Variants in ACSM3 observed in about 807,000 individuals in gnomAD.
The protein encoded by ACSM3 is acyl-CoA synthetase medium chain family member 3.
Under a neutral mutation model 74.1 loss-of-function variants are expected in ACSM3, and 61 were observed. The ratio of observed to expected loss-of-function variants is 0.82; its 90% CI spans 0.67 to 1.02. The LOEUF is 1.02. Ranked by LOEUF, ACSM3 falls within the 50% of genes least tolerant of loss-of-function variation. The pLI, the probability that ACSM3 is intolerant of heterozygous loss-of-function variation, is 0.00. For synonymous variants in ACSM3, 213 were observed against 241.5 expected (o/e 0.88, Z 1.09); for missense variants, 660 against 697.0 (o/e 0.95, Z 0.60).
At chr16:20,731,999 G>A (rs991390800) in intron 1 of ACSM3, among the ~76,000 whole-genome samples, 2 of 152,132 alleles carry the variant, frequency 1.3e-5, no homozygotes, top group Non-Finnish European at 2.9e-5. Context: ...TATAAGAAAA[G>A]CACAGTGGCC....
chr16:20,744,410 G>T (rs1371673166), intron 1 of ACSM3, among the ~76,000 whole-genome samples: 1 of 152,114 alleles, frequency 6.6e-6, no homozygotes, highest in Non-Finnish European at 1.5e-5. Context: ...TTTTTGAGAC[G>T]GAGTCTTGCT....
At chr16:20,724,471 A>G (rs1686748851) in intron 1 of ACSM3, among the ~76,000 whole-genome samples, 1 of 152,246 alleles carries the variant, frequency 6.6e-6, no homozygotes, top group South Asian at 2.1e-4. Context: ...AACTGGCACA[A>G]GACAGGGATG....
upstream of ACSM3, among the ~76,000 whole-genome samples, chr16:20,762,403 GGAAAAAAAA>G (rs1376430210): frequency 6.6e-6 from 1 of 151,116 alleles, no homozygotes; most frequent in Non-Finnish European, 1.5e-5. Context: ...AACTAGAATG[GGAAAAAAAA>G]GAAAAAAAAG....
At chr16:20,773,721 T>C (rs2080220818) in intron 2 of ACSM3, among the ~76,000 whole-genome samples, 1 of 152,226 alleles carries the variant, frequency 6.6e-6, no homozygotes, top group Admixed American at 6.5e-5. Context: ...TCTAAGAACA[T>C]ACCTGGTATG....
At chr16:20,789,290 C>A (rs1482446158) in intron 9 of ACSM3, among the ~76,000 whole-genome samples, 1 of 152,068 alleles carries the variant, frequency 6.6e-6, no homozygotes, top group African/African-American at 2.4e-5. Flanking sequence ...CCTCATGTGT[C>A]AAATGGGCAT....
chr16:20,731,888 G>A (rs1171290235), intron 1 of ACSM3: 1 of 208,408 alleles, frequency 4.8e-6, no homozygotes, highest in African/African-American at 2.3e-5. Flanking sequence ...AAAATGTTTT[G>A]TTAGAACAGT....
At chr16:20,713,628 C>T (rs1351633406) in intron 1 of ACSM3, among the ~76,000 whole-genome samples, 1 of 152,188 alleles carries the variant, frequency 6.6e-6, no homozygotes, top group Non-Finnish European at 1.5e-5. Flanking sequence ...GAGCAGCAAG[C>T]ACTTCCACTT....
rs201873464 is a variant in ACSM3, at chr16:20,753,873, AAAGAG to A, written c.-95-1698_-95-1694del. ...GAAATGAAAAGAAGAAAGAGAAAGA[AAAGAG>A]AGAGAGAGAAAGAAAGAAAGAAAAG... On this transcript the variant is annotated intron_variant, in intron 2 of 3. Coordinates refer to the ACSM3 transcript ENST00000561584. 6.6e-3 allele frequency among the ~76,000 whole-genome samples: 995 copies of A among 150,004 alleles called. 19 individuals are homozygous for A. Among genetic ancestry groups the A allele is most frequent in the African/African-American group, 0.024 (937 of 39,546 alleles).
intron 1 of ACSM3, among the ~76,000 whole-genome samples, chr16:20,742,814 T>TATATATATATATATA (rs1555483507): frequency 3.3e-4 from 17 of 51,776 alleles, no homozygotes; most frequent in African/African-American, 8.9e-4. Context: ...TATATATATA[T>TATATATATATATATA]TTTTTTTTTT....
At chr16:20,706,912 C>A (rs1265020139) in intron 1 of ACSM3, among the ~76,000 whole-genome samples, 1 of 152,132 alleles carries the variant, frequency 6.6e-6, no homozygotes. Context: ...AGTCCCCAGG[C>A]AGATGAGAAA....
At chr16:20,771,447 A>AT (rs979660995) in intron 2 of ACSM3, among the ~76,000 whole-genome samples, 2 of 127,640 alleles carry the variant, frequency 1.6e-5, no homozygotes, top group Non-Finnish European at 3.2e-5. Context: ...AGTGAAGCTC[A>AT]TTTTTTTAAG....
intron 1 of ACSM3, among the ~76,000 whole-genome samples, chr16:20,741,268 G>A (rs1287743981): frequency 2.0e-5 from 3 of 152,150 alleles, no homozygotes; most frequent in East Asian, 1.9e-4. Context: ...TAAAAGTAAT[G>A]GGAGCTACCG....
At chr16:20,712,057 A>C (rs1340003055) in intron 1 of ACSM3, among the ~76,000 whole-genome samples, 1 of 151,908 alleles carries the variant, frequency 6.6e-6, no homozygotes, top group Non-Finnish European at 1.5e-5. Context: ...TTCTTGTCAA[A>C]TTTTGGCTCA....
Position 20,790,447 on chromosome 16 carries a change from AC to A in ACSM3, c.1225-138del, listed in dbSNP as rs2080571681. ...ACTCCAGCCTGGGTGACAAAGTGAG[AC>A]CTTGTCTCACACACACAAAATTTTT... On this transcript the variant is annotated intron_variant, in intron 9 of 13. Coordinates refer to ENST00000289416, the MANE Select transcript of ACSM3 (RefSeq NM_005622.4). This position sits in a 1 kb window ranked among gnomAD's most constrained non-coding sequence, Gnocchi z 4.0. 4.1e-6 allele frequency: 3 copies of A among 733,696 alleles called. No individual in the cohort carries two copies. The Admixed American group carries it at 8.0e-5, about 20-fold the overall frequency. 45.4% of individuals were successfully genotyped at this position (733,696 alleles called of 1,614,324 possible).
At chr16:20,706,666 A>G (rs1235887955) in intron 1 of ACSM3, among the ~76,000 whole-genome samples, 2 of 152,114 alleles carry the variant, frequency 1.3e-5, no homozygotes, top group East Asian at 3.9e-4. Flanking sequence ...TGAAAGCCCT[A>G]TTTGGACTTG....
At chr16:20,737,353 C>A in intron 1 of ACSM3, 5 of 1,478,780 alleles carry the variant, frequency 3.4e-6, no homozygotes, top group Admixed American at 2.3e-5. Context: ...TACAAAAAAT[C>A]TTTTGTCTCT....
intron 2 of ACSM3, among the ~76,000 whole-genome samples, chr16:20,752,542 A>G (rs938486824): frequency 6.6e-6 from 1 of 152,250 alleles, no homozygotes; most frequent in East Asian, 1.9e-4. Context: ...ACAGTTGAAT[A>G]TAAGAATTAT....
chr16:20,791,959 G>A, intron 10 of ACSM3, 43 bp from the exon 11 acceptor site: 6 of 1,592,886 alleles, frequency 3.8e-6, no homozygotes, highest in Admixed American at 1.8e-5. Flanking sequence ...TTGACCAGAA[G>A]AGTTGGATTC....
chr16:20,684,988 C>T (rs186050473), intron 1 of ACSM3, among the ~76,000 whole-genome samples: 1 of 152,254 alleles, frequency 6.6e-6, no homozygotes, highest in Admixed American at 6.5e-5. Context: ...AAAGGAGGTA[C>T]AGAGAAGAGA....
Sources: gnomAD v4.1 joint callset for allele counts (sites outside exome capture counted in the v4.1 genomes callset) on GRCh38, gnomAD v4.1.1 for gene constraint, Gnocchi (gnomAD v3.1) non-coding constraint, MANE v1.5 for transcripts, NCBI Gene and HGNC (gene_info 2026-07-23, HGNC 2026-07-21) for gene names.